Variants in CHP1 observed in about 807,000 individuals in gnomAD.
The protein encoded by CHP1 is calcineurin B homologous protein 1.
In CHP1, 11 loss-of-function variants were observed where a neutral mutation model predicts 27.4. The observed-to-expected ratio is 0.40, with a 90% CI of 0.25 to 0.67. CHP1 has a LOEUF of 0.67. Among genes scored for constraint, CHP1 ranks in the 30% least tolerant of loss-of-function variants. The probability of loss-of-function intolerance (pLI) is 0.38; values close to 1 mark genes in which losing one functional copy is unlikely to be tolerated. For synonymous variants in CHP1, 89 were observed against 87.4 expected, an observed-to-expected ratio of 1.02 and a Z score of -0.10; for missense variants, 169 against 251.3, an observed-to-expected ratio of 0.67 and a Z score of 2.22.
At chr15:41,269,287 G>A (rs1039281917) in intron 4 of CHP1, among the ~76,000 whole-genome samples, 1 of 152,180 alleles carries the variant, frequency 6.6e-6, no homozygotes, top group African/African-American at 2.4e-5. Context: ...GTCTCTCCTA[G>A]CTACTTCCTT....
intron 4 of CHP1, among the ~76,000 whole-genome samples, chr15:41,265,395 A>C: frequency 7.8e-6 from 1 of 127,510 alleles, no homozygotes; most frequent in South Asian, 2.7e-4. Context: ...AAAAAAAAAA[A>C]GGAGATGTGT....
intron 1 of CHP1, among the ~76,000 whole-genome samples, chr15:41,236,238 C>T (rs2047276190): frequency 6.6e-6 from 1 of 151,892 alleles, no homozygotes; most frequent in Non-Finnish European, 1.5e-5. Flanking sequence ...GCCACTGTGC[C>T]TGGCAACTAC....
chr15:41,268,827 G>T (rs2047474773), intron 4 of CHP1, among the ~76,000 whole-genome samples: 1 of 151,700 alleles, frequency 6.6e-6, no homozygotes, highest in South Asian at 2.1e-4. Context: ...AGGCGTGGTG[G>T]TGGGCGCCTG....
At chr15:41,240,247 G>T (rs2047299340) in intron 1 of CHP1, among the ~76,000 whole-genome samples, 1 of 151,880 alleles carries the variant, frequency 6.6e-6, no homozygotes, top group Non-Finnish European at 1.5e-5. Flanking sequence ...TCCTGCTTCT[G>T]CCTCTGGAAG....
intron 1 of CHP1, among the ~76,000 whole-genome samples, chr15:41,239,665 G>T (rs564272208): frequency 4.7e-4 from 71 of 152,170 alleles, no homozygotes; most frequent in Non-Finnish European, 7.5e-4. Context: ...CCAAAGTGCT[G>T]GTATTGCAGG....
intron 2 of CHP1, among the ~76,000 whole-genome samples, chr15:41,251,470 C>T (rs2047366206): frequency 6.6e-6 from 1 of 152,192 alleles, no homozygotes; most frequent in Non-Finnish European, 1.5e-5. Context: ...CCTGGGGTCC[C>T]CAACCTCTGG....
rs796599176 is a variant in CHP1 at position 41,246,254 on chromosome 15, ATG to A, written c.140+2523_140+2524del. Among the ~76,000 whole-genome samples, 169 of 151,840 alleles carry A rather than the reference ATG, an allele frequency of 1.1e-3. 2 individuals carry two copies. Among genetic ancestry groups the A allele is most frequent in the African/African-American group, 3.7e-3 (155 of 41,404 alleles). ...TTTGTAGAAAGTGGGTGGTTTCTAA[ATG>A]TGTGTGTTTTTATCATGTTTGCTGT... On this transcript the variant is annotated intron_variant, in intron 2 of 6. Transcript: ENST00000334660.
chr15:41,231,374 G>C lies in CHP1; in HGVS notation c.-9G>C, dbSNP rs924121617. ...CGCCGCTGCTCCCGGAGGAGCTCCC[G>C]GCACGGCGATGGGTTCTCGGGCCTC... On this transcript the variant is annotated 5_prime_UTR_variant, in exon 1 of 7. Coordinates refer to ENST00000334660, the MANE Select transcript of CHP1 (RefSeq NM_007236.5). 1.3e-6 allele frequency: 2 copies of C among 1,595,402 alleles called. No individual in the cohort carries two copies. Among genetic ancestry groups the C allele is most frequent in the African/African-American group, 2.7e-5 (2 of 74,822 alleles).
intron 3 of CHP1, among the ~76,000 whole-genome samples, chr15:41,259,916 G>A (rs1389132170): frequency 6.6e-6 from 1 of 152,170 alleles, no homozygotes; most frequent in Non-Finnish European, 1.5e-5. Flanking sequence ...ACCACGCCTG[G>A]CTAAGGTTTC....
chr15:41,244,196 T>TAA (rs35765288), intron 2 of CHP1, among the ~76,000 whole-genome samples: 136 of 129,040 alleles, frequency 1.1e-3, no homozygotes, highest in South Asian at 2.6e-3. Flanking sequence ...AGACTCCATC[T>TAA]AAAAAAAAAA....
chr15:41,239,572 T>C (rs1567002930), intron 1 of CHP1, among the ~76,000 whole-genome samples: 1 of 151,242 alleles, frequency 6.6e-6, no homozygotes, highest in Non-Finnish European at 1.5e-5. Flanking sequence ...ATTTTTGTAT[T>C]TTTAGTAGAG....
intron 2 of CHP1, among the ~76,000 whole-genome samples, chr15:41,250,482 G>A (rs996018869): frequency 3.9e-5 from 6 of 151,964 alleles, no homozygotes; most frequent in African/African-American, 1.5e-4. Flanking sequence ...CAGGGGAATC[G>A]CTTGAACCCG....
At chr15:41,250,076 A>G (rs554672311) in intron 2 of CHP1, among the ~76,000 whole-genome samples, 1 of 149,360 alleles carries the variant, frequency 6.7e-6, no homozygotes, top group East Asian at 2.0e-4. Context: ...TTGGTCTATC[A>G]ATAGGTGTTA....
chr15:41,267,272 T>A (rs556540582), intron 4 of CHP1, among the ~76,000 whole-genome samples: 1 of 152,140 alleles, frequency 6.6e-6, no homozygotes, highest in African/African-American at 2.4e-5. Flanking sequence ...ATGGTGGTGA[T>A]GCTTGCACAA....
chr15:41,273,228 A>G (rs79693230), intron 5 of CHP1, among the ~76,000 whole-genome samples: 4,047 of 152,196 alleles, frequency 0.027, 185 homozygotes, highest in African/African-American at 0.092. Context: ...CCAAGGTGCA[A>G]TTATACTAGA....
rs1011862350 is a variant in CHP1, at chr15:41,279,535, A to G, written c.*146A>G. 1.5e-6 allele frequency: 1 copy of G among 659,796 alleles called. No individual in the cohort carries two copies. The highest frequency in any genetic ancestry group is 1.8e-5 in the African/African-American group (1 of 55,226). The allele number at this position is 659,796 out of a possible 1,614,324, so 40.9% of individuals were successfully genotyped here. A position where few individuals can be genotyped will look rare whatever the true frequency, so the allele number is the denominator to read the frequency against. ...TGACAACCCCAAATATGTTCTGTCA[A>G]CACAAACCTGCCTTTGGTGTATAAA... On this transcript the variant is annotated 3_prime_UTR_variant, in exon 7 of 7. Transcript: ENST00000334660.
chr15:41,248,178 G>A (rs1038714182), intron 2 of CHP1, among the ~76,000 whole-genome samples: 10 of 150,028 alleles, frequency 6.7e-5, no homozygotes, highest in African/African-American at 2.2e-4. Context: ...AGACAGGGTC[G>A]CACTCTGTCT....
At chr15:41,274,421 T>TA (rs1229136983) in intron 5 of CHP1, among the ~76,000 whole-genome samples, 1 of 152,088 alleles carries the variant, frequency 6.6e-6, no homozygotes, top group East Asian at 1.9e-4. Context: ...TCGGATGAGA[T>TA]AACCTTTTTT....
At chr15:41,241,083 C>T (rs2047304868) in intron 1 of CHP1, among the ~76,000 whole-genome samples, 1 of 152,164 alleles carries the variant, frequency 6.6e-6, no homozygotes, top group Non-Finnish European at 1.5e-5. Context: ...GATCTCTTTT[C>T]CTCAGCATCC....
Sources: allele counts gnomAD v4.1 joint callset (sites outside exome capture counted in the v4.1 genomes callset), GRCh38; gene constraint gnomAD v4.1.1; transcripts MANE v1.5; gene names NCBI Gene and HGNC (gene_info 2026-07-23, HGNC 2026-07-21).